Variants in PLXDC2 observed in about 807,000 individuals in gnomAD.
PLXDC2 encodes the protein plexin domain-containing protein 2.
In PLXDC2, 40 loss-of-function variants were observed where a neutral mutation model predicts 68.9. The observed-to-expected ratio is 0.58, with a 90% CI of 0.45 to 0.76. The LOEUF (loss-of-function observed/expected upper bound fraction) is 0.76, where lower values mean the gene tolerates loss of function less well. PLXDC2 is among the 30% of genes least tolerant of loss of function. The pLI is 0.00. For synonymous variants in PLXDC2, 243 were observed against 234.2 expected, an observed-to-expected ratio of 1.04 and a Z score of -0.34; for missense variants, 644 against 661.9, an observed-to-expected ratio of 0.97 and a Z score of 0.30.
chr10:20,126,741 C>CACACATGTTATATATGTATATAGA lies in PLXDC2; in HGVS notation c.542-16549_542-16548insTGTTATATATGTATATAGAACACA, dbSNP rs1564325294. On this transcript the variant is annotated intron_variant, in intron 4 of 13. Transcript: ENST00000377252. ...ACACACGTTATATATGTATATAGAA[C>CACACATGTTATATATGTATATAGA]ACACACGTTATATATGTATATAGAA... Among the ~76,000 whole-genome samples the CACACATGTTATATATGTATATAGA allele has an allele frequency of 1.2e-3, 4 of 3,428 alleles. 1 individual carries two copies. Among genetic ancestry groups the CACACATGTTATATATGTATATAGA allele is most frequent in the Admixed American group, 6.1e-3 (2 of 330 alleles). The allele number at this position is 3,428 out of a possible 152,430, so 2.2% of individuals were successfully genotyped here.
chr10:20,189,081 C>G (rs1589672072), intron 9 of PLXDC2, among the ~76,000 whole-genome samples: 1 of 75,438 alleles, frequency 1.3e-5, no homozygotes, highest in Admixed American at 1.4e-4. Flanking sequence ...ATAGCATAAA[C>G]AAGATTGTCT....
chr10:19,913,162 C>T (rs150686657), intron 1 of PLXDC2, among the ~76,000 whole-genome samples: 4 of 152,178 alleles, frequency 2.6e-5, no homozygotes, highest in Non-Finnish European at 5.9e-5. Flanking sequence ...AATCTCAAGT[C>T]GATTTGTAAT....
At chr10:20,009,767 G>T (rs1285279354) in intron 2 of PLXDC2, among the ~76,000 whole-genome samples, 2 of 149,576 alleles carry the variant, frequency 1.3e-5, no homozygotes, top group East Asian at 3.9e-4. Flanking sequence ...CAGATAACCA[G>T]GAGCAAGATT....
Position 19,842,620 on chromosome 10 carries a change from C to G in PLXDC2, c.112+25429C>G, listed in dbSNP as rs918058521. ...TTATAAGTAACACTCATGCTGACTT[C>G]AACTCATAGGCCAGAAGATTATCTG... On this transcript the variant is annotated intron_variant, in intron 1 of 13. Coordinates refer to ENST00000377252, the MANE Select transcript of PLXDC2 (RefSeq NM_032812.9). Among the ~76,000 whole-genome samples, 3 of 152,166 alleles carry G rather than the reference C, an allele frequency of 2.0e-5. No homozygotes were observed. In the East Asian group the frequency reaches 5.8e-4, roughly 29 times the overall value.
chr10:19,982,615 C>T (rs1834570303), intron 1 of PLXDC2, among the ~76,000 whole-genome samples: 1 of 152,070 alleles, frequency 6.6e-6, no homozygotes, highest in Non-Finnish European at 1.5e-5. Context: ...AGAAAACATG[C>T]TCACTAGCTA....
At chr10:19,997,800 T>C (rs1183531423) in intron 1 of PLXDC2, among the ~76,000 whole-genome samples, 1 of 152,190 alleles carries the variant, frequency 6.6e-6, no homozygotes, top group Non-Finnish European at 1.5e-5. Flanking sequence ...CTGAACGTTG[T>C]GGGGTTTCCT....
rs527857632 is a variant in PLXDC2, at chr10:20,107,026, C to T, written c.542-36269C>T. Among the ~76,000 whole-genome samples, 16 of 148,434 alleles carry T rather than the reference C, an allele frequency of 1.1e-4. No homozygotes were observed. The East Asian group carries it at 2.0e-3, about 18-fold the overall frequency. ...GACATGTAGTGTATACATATATATA[C>T]ACCATATACTATATATATAGTATGT... On this transcript the variant is annotated intron_variant, in intron 4 of 13. Transcript: ENST00000377252.
intron 12 of PLXDC2, among the ~76,000 whole-genome samples, chr10:20,229,425 T>C (rs1036709694): frequency 2.0e-5 from 3 of 151,340 alleles, no homozygotes; most frequent in Non-Finnish European, 4.4e-5. Flanking sequence ...GTAGCATTCC[T>C]TGAGGTTGTA....
intron 1 of PLXDC2, among the ~76,000 whole-genome samples, chr10:19,988,099 A>G (rs933127531): frequency 1.3e-5 from 2 of 152,150 alleles, no homozygotes; most frequent in Non-Finnish European, 2.9e-5. Flanking sequence ...CTGGAGGTTC[A>G]TCATTTACAT....
chr10:19,976,081 G>A (rs1834449163), intron 1 of PLXDC2, among the ~76,000 whole-genome samples: 1 of 152,224 alleles, frequency 6.6e-6, no homozygotes, highest in Non-Finnish European at 1.5e-5. Flanking sequence ...CCCATGCAAA[G>A]TTGGCTGTAC....
At position 19,959,088 on chromosome 10, in the gene PLXDC2, T is replaced by G. The variant is rs60515911; in HGVS notation, c.113-42687T>G. ...ATAGAAGGGAGAAATCAAGCTAAAT[T>G]TGGACTGTCATTTCCTTAAATGTTC... On this transcript the variant is annotated intron_variant, in intron 1 of 13. Transcript: ENST00000377252. 2.5e-3 allele frequency among the ~76,000 whole-genome samples: 384 copies of G among 152,284 alleles called. 1 individual carries two copies. Among genetic ancestry groups the G allele is most frequent in the African/African-American group, 8.9e-3 (370 of 41,560 alleles).
chr10:20,239,307 A>G (rs535382081), intron 12 of PLXDC2, among the ~76,000 whole-genome samples: 2 of 152,316 alleles, frequency 1.3e-5, no homozygotes. Context: ...CCTAAAGCCT[A>G]CTAGACTCTG....
At chr10:20,139,171 G>A (rs932113113) in intron 4 of PLXDC2, among the ~76,000 whole-genome samples, 3 of 152,140 alleles carry the variant, frequency 2.0e-5, no homozygotes, top group African/African-American at 7.2e-5. Context: ...AGCAGCCCAA[G>A]GAAAGTTTTC....
intron 1 of PLXDC2, among the ~76,000 whole-genome samples, chr10:19,829,968 A>G (rs1389022599): frequency 6.6e-6 from 1 of 152,230 alleles, no homozygotes; most frequent in Non-Finnish European, 1.5e-5. Context: ...AACATTTCAA[A>G]GGCTGTGAAA....
chr10:20,128,853 C>A (rs2131773830), intron 4 of PLXDC2, among the ~76,000 whole-genome samples: 1 of 152,214 alleles, frequency 6.6e-6, no homozygotes, highest in East Asian at 1.9e-4. Context: ...CATTTTGTAC[C>A]TATACCACAT....
chr10:20,086,253 G>A (rs1293863850), intron 4 of PLXDC2, among the ~76,000 whole-genome samples: 1 of 152,070 alleles, frequency 6.6e-6, no homozygotes, highest in African/African-American at 2.4e-5. Flanking sequence ...TCGACCTCCT[G>A]GACTGAAGGA....
intron 13 of PLXDC2, among the ~76,000 whole-genome samples, chr10:20,246,070 A>G (rs1835591101): frequency 6.6e-6 from 1 of 152,250 alleles, no homozygotes; most frequent in Admixed American, 6.5e-5. Flanking sequence ...ATATAAATGC[A>G]GAGAGACGCA....
At chr10:20,051,546 C>T (rs1835901834) in intron 3 of PLXDC2, among the ~76,000 whole-genome samples, 1 of 150,958 alleles carries the variant, frequency 6.6e-6, no homozygotes, top group African/African-American at 2.4e-5. Flanking sequence ...AATACTCTTT[C>T]TCTTAATTTT....
At chr10:19,887,109 G>T (rs895792865) in intron 1 of PLXDC2, among the ~76,000 whole-genome samples, 2 of 152,140 alleles carry the variant, frequency 1.3e-5, no homozygotes, top group South Asian at 2.1e-4. Context: ...TAGGATATTG[G>T]TATGTGTTTT....
Sources: gnomAD v4.1 joint callset for allele counts (sites outside exome capture counted in the v4.1 genomes callset) on GRCh38, gnomAD v4.1.1 for gene constraint, MANE v1.5 for transcripts, NCBI Gene and HGNC (gene_info 2026-07-23, HGNC 2026-07-21) for gene names.